Variants in DCC observed in about 807,000 individuals in gnomAD.
DCC encodes the protein netrin receptor DCC.
DCC carries 58 observed loss-of-function variants against 172.5 expected under a neutral mutation model. The observed-to-expected ratio is 0.34, with a 90% CI of 0.27 to 0.42. The LOEUF (loss-of-function observed/expected upper bound fraction) is 0.42, where lower values mean the gene tolerates loss of function less well. Ranked by LOEUF, DCC falls within the 10% of genes least tolerant of loss-of-function variation. The pLI is 1.00. For synonymous variants in DCC, 709 were observed against 644.5 expected, an observed-to-expected ratio of 1.10 and a Z score of -1.52; for missense variants, 1,740 against 1,791.0, an observed-to-expected ratio of 0.97 and a Z score of 0.51.
intron 22 of DCC, among the ~76,000 whole-genome samples, chr18:53,448,413 C>T (rs997568067): frequency 7.2e-5 from 11 of 152,118 alleles, no homozygotes; most frequent in Non-Finnish European, 1.5e-4. Flanking sequence ...AACCATCAGA[C>T]CTTGTTGTGA....
intron 1 of DCC, among the ~76,000 whole-genome samples, chr18:52,456,371 G>A (rs192328339): frequency 2.2e-3 from 337 of 152,136 alleles, no homozygotes; most frequent in African/African-American, 7.7e-3. Flanking sequence ...GAAATTTCCT[G>A]TTGCTTTCCT....
rs546720518 is a variant in DCC, at chr18:52,835,968, AG to A, written c.413-70074del. Among the ~76,000 whole-genome samples the A allele has an allele frequency of 3.3e-5, 5 of 152,312 alleles. No homozygotes were observed. The South Asian group carries it at 6.2e-4, about 19-fold the overall frequency. ...AGACTGAGTAATTTATAAAGGAAAA[AG>A]GTTTAATTGACTCACAAGGGAGGCC... On this transcript the variant is annotated intron_variant, in intron 2 of 28. Coordinates refer to ENST00000442544, the MANE Select transcript of DCC (RefSeq NM_005215.4).
chr18:52,488,495 G>C (rs1370270764), intron 1 of DCC, among the ~76,000 whole-genome samples: 1 of 152,094 alleles, frequency 6.6e-6, no homozygotes, highest in Non-Finnish European at 1.5e-5. Context: ...ACTTGCATTA[G>C]TGTAGGAAAA....
At chr18:52,782,224 T>A (rs550616139) in intron 2 of DCC, among the ~76,000 whole-genome samples, 1 of 152,280 alleles carries the variant, frequency 6.6e-6, no homozygotes, top group South Asian at 2.1e-4. Context: ...TTCAACAGGC[T>A]CCTTCAAATG....
intron 2 of DCC, among the ~76,000 whole-genome samples, chr18:52,897,548 T>A (rs1161333729): frequency 3.3e-5 from 5 of 152,232 alleles, no homozygotes; most frequent in Admixed American, 2.6e-4. Flanking sequence ...ACAGAAAACA[T>A]CCACAGGAAT....
chr18:52,437,980 C>T (rs1987850749), intron 1 of DCC, among the ~76,000 whole-genome samples: 1 of 152,126 alleles, frequency 6.6e-6, no homozygotes, highest in African/African-American at 2.4e-5. Context: ...TATCCCTATT[C>T]ACTCCTTTTC....
intron 3 of DCC, among the ~76,000 whole-genome samples, chr18:52,913,680 T>C (rs953515589): frequency 6.6e-6 from 1 of 152,092 alleles, no homozygotes; most frequent in Non-Finnish European, 1.5e-5. Flanking sequence ...GAACCTGTTT[T>C]TTCCCAAGAG....
intron 2 of DCC, among the ~76,000 whole-genome samples, chr18:52,779,622 A>G (rs976019281): frequency 6.6e-6 from 1 of 152,180 alleles, no homozygotes; most frequent in African/African-American, 2.4e-5. Flanking sequence ...ATACATGCAC[A>G]TGTGTCTTTA....
At chr18:52,740,254 CT>C (rs1241808366) in intron 1 of DCC, among the ~76,000 whole-genome samples, 1 of 152,136 alleles carries the variant, frequency 6.6e-6, no homozygotes, top group Non-Finnish European at 1.5e-5. Flanking sequence ...TTGAGAAGTC[CT>C]TTAATAAATG....
At chr18:53,473,062 GTA>G (rs1173401576) in intron 25 of DCC, among the ~76,000 whole-genome samples, 14 of 152,002 alleles carry the variant, frequency 9.2e-5, no homozygotes, top group Non-Finnish European at 1.9e-4. Context: ...GAAGTTTTAT[GTA>G]TCCTCCAAAG....
chr18:53,493,017 T>C (rs547117944), intron 26 of DCC, among the ~76,000 whole-genome samples: 25 of 152,354 alleles, frequency 1.6e-4, no homozygotes, highest in Non-Finnish European at 2.6e-4. Flanking sequence ...TTTGTAGTTC[T>C]CTTTGAAGAT....
chr18:53,191,244 G>C (rs184228101), intron 9 of DCC, among the ~76,000 whole-genome samples: 7 of 152,240 alleles, frequency 4.6e-5, no homozygotes, highest in Admixed American at 2.6e-4. Flanking sequence ...GAAATGAGTA[G>C]ATGTTAATTT....
chr18:53,007,877 T>C (rs945116678), intron 5 of DCC, among the ~76,000 whole-genome samples: 3 of 152,110 alleles, frequency 2.0e-5, no homozygotes, highest in African/African-American at 7.2e-5. Flanking sequence ...TTCAACTTTG[T>C]GACCTAAAAA....
intron 1 of DCC, among the ~76,000 whole-genome samples, chr18:52,627,173 ACCCTAT>A (rs1479333802): frequency 6.6e-6 from 1 of 152,126 alleles, no homozygotes; most frequent in African/African-American, 2.4e-5. Context: ...TTATTGCACA[ACCCTAT>A]ACATCCTTCA....
rs116939882 is a variant in DCC at position 53,220,813 on chromosome 18, T to C, written c.1911+5216T>C. ...ATTCCTTCATCTATTCATTACATGG[T>C]GATTTTTAAGCATAGATAATGTCCA... On this transcript the variant is annotated intron_variant, in intron 12 of 28. Coordinates refer to ENST00000442544, the MANE Select transcript of DCC (RefSeq NM_005215.4). Among the ~76,000 whole-genome samples, 1,161 of 152,084 alleles carry C rather than the reference T, an allele frequency of 7.6e-3. 7 individuals are homozygous for C. The highest frequency in any genetic ancestry group is 0.023 in the Admixed American group (357 of 15,258).
intron 6 of DCC, among the ~76,000 whole-genome samples, chr18:53,065,825 A>T (rs1010695414): frequency 6.6e-6 from 1 of 152,106 alleles, no homozygotes; most frequent in Non-Finnish European, 1.5e-5. Flanking sequence ...TTTAATGCAG[A>T]TCTAGGTTAA....
chr18:52,792,794 C>CAGTTGATTCA (rs1356449899), intron 2 of DCC, among the ~76,000 whole-genome samples: 69 of 152,074 alleles, frequency 4.5e-4, no homozygotes, highest in African/African-American at 1.6e-3. Flanking sequence ...CATTCCATTC[C>CAGTTGATTCA]ATTCCATTCC....
intron 2 of DCC, among the ~76,000 whole-genome samples, chr18:52,884,907 A>G (rs2039546943): frequency 6.6e-6 from 1 of 152,112 alleles, no homozygotes; most frequent in South Asian, 2.1e-4. Flanking sequence ...GTTCTTGCAG[A>G]CTCATAGAGG....
intron 1 of DCC, among the ~76,000 whole-genome samples, chr18:52,630,366 A>C (rs1451267482): frequency 6.6e-6 from 1 of 152,232 alleles, no homozygotes; most frequent in Non-Finnish European, 1.5e-5. Context: ...ATTATGAAGA[A>C]AAAGCTCAGT....
Sources: allele counts gnomAD v4.1 joint callset (sites outside exome capture counted in the v4.1 genomes callset), GRCh38; gene constraint gnomAD v4.1.1; transcripts MANE v1.5; gene names NCBI Gene and HGNC (gene_info 2026-07-23, HGNC 2026-07-21).